The following DPAGT1 variants were observed in gnomAD, a reference collection of about 807,000 sequenced individuals.
The protein encoded by DPAGT1 is dolichyl-phosphate N-acetylglucosaminephosphotransferase 1.
A neutral mutation model predicts 39.3 loss-of-function variants in DPAGT1; 25 were observed. The observed-to-expected ratio is 0.64, with a 90% CI of 0.46 to 0.89. The LOEUF (loss-of-function observed/expected upper bound fraction) is 0.89, where lower values mean the gene tolerates loss of function less well. DPAGT1 is among the 40% of genes least tolerant of loss of function. The pLI is 0.00. For missense variants in DPAGT1, 381 were observed against 500.6 expected (o/e 0.76, Z 2.28); for synonymous variants, 193 against 201.4 (o/e 0.96, Z 0.36).
chr11:119,095,116 C>T, downstream of DPAGT1: 2 of 1,614,020 alleles, frequency 1.2e-6, no homozygotes, highest in Non-Finnish European at 1.7e-6. Context: ...GCTTGTTGAG[C>T]TCCTCGTCGT....
rs1946440246 is a variant in DPAGT1, at chr11:119,098,549, C to T, written c.644-62G>A. Reference sequence around the variant, plus strand: ...CCCACTTCCTCTGCAAACCTTGGTCCTATTTTTGTCTAAGTTCTGTTTACA... The same window carrying T: ...CCCACTTCCTCTGCAAACCTTGGTCTTATTTTTGTCTAAGTTCTGTTTACA... On this transcript the variant is annotated intron_variant, in intron 4 of 8. Coordinates refer to ENST00000354202, the MANE Select transcript of DPAGT1 (RefSeq NM_001382.4). 7 of 1,550,408 alleles carry T rather than the reference C, an allele frequency of 4.5e-6. No individual in the cohort carries two copies. The South Asian group carries it at 5.6e-5, about 12-fold the overall frequency.
chr11:119,100,027 A>G (rs1342913046), intron 4 of DPAGT1, among the ~76,000 whole-genome samples: 1 of 152,182 alleles, frequency 6.6e-6, no homozygotes, highest in East Asian at 1.9e-4. Context: ...TTTATATTCA[A>G]TGGGAGAAGA....
At chr11:119,100,580 G>A (rs1235479458) in intron 3 of DPAGT1, 50 bp downstream of exon 3, 5 of 1,609,634 alleles carry the variant, frequency 3.1e-6, no homozygotes, top group South Asian at 1.1e-5. Flanking sequence ...GCACCAGGAA[G>A]GGTTCCCTGA....
Position 119,101,580 on chromosome 11 carries a change from C to T in DPAGT1, c.76G>A (p.Val26Ile), listed in dbSNP as rs769601711. 7 of 1,614,280 alleles carry T rather than the reference C, an allele frequency of 4.3e-6. No individual in the cohort carries two copies. The Admixed American group carries it at 1.0e-4, about 23-fold the overall frequency. ...CCCCGGAAGGCCGGGATGAGGGTGA[C>T]TGTGGCCACAAATCCCAGCAGCGAG... The part of the protein sequence containing the change: ...IVSLLGFVAT[V>I]TLIPAFRGHF... Residue 26 changes from valine (V) to isoleucine (I), a missense_variant, in exon 1 of 9, where the codon GTC becomes ATC. Coordinates refer to ENST00000354202, the MANE Select transcript of DPAGT1 (RefSeq NM_001382.4).
chr11:119,100,785 G>A lies in DPAGT1; in HGVS notation c.341C>T (p.Ala114Val), dbSNP rs397515327. ...AICCMIFLGF[A>V]DDVLNLRWRH... ...CCAGCGCAGATTCAGTACATCATCC[G>A]CAAAGCCCAGGAAGATCATGCAGCA... The change falls in exon 3 of 9, where the codon GCG becomes GTG. Residue 114 changes from alanine to valine, a missense_variant. Ala to Val is a moderately conservative substitution (Grantham distance 64). Coordinates refer to ENST00000354202, the MANE Select transcript of DPAGT1 (RefSeq NM_001382.4). 1.9e-6 allele frequency: 3 copies of A among 1,614,204 alleles called. No individual in the cohort carries two copies. The highest frequency in any genetic ancestry group is 1.1e-5 in the South Asian group (1 of 91,076).
chr11:119,100,546 G>A, intron 3 of DPAGT1, 84 bp downstream of exon 3: 1 of 1,598,686 alleles, frequency 6.3e-7, no homozygotes. Context: ...AGACAAAAAA[G>A]GAACACTTGG....
chr11:119,097,160 C>T lies in DPAGT1; in HGVS notation c.1143G>A (p.Leu381=). Residue 381 remains leucine, a synonymous_variant, in exon 8 of 9, where the codon TTG becomes TTA. Coordinates refer to ENST00000354202, the MANE Select transcript of DPAGT1 (RefSeq NM_001382.4). The surrounding 1 kb of genome is among the most constrained non-coding windows in gnomAD (Gnocchi z 4.6). ...TCCTCACCTGCAGCAGCAGCAGGAGCAATGTGAGGTTTCTCTCATGTATGG... is the reference window on the plus strand; with the variant it reads ...TCCTCACCTGCAGCAGCAGCAGGAGTAATGTGAGGTTTCTCTCATGTATGG... ...LGPIHERNLT[L]LLLLLQILGS... 4.3e-6 allele frequency: 7 copies of T among 1,614,172 alleles called. No individual in the cohort carries two copies. The highest frequency in any genetic ancestry group is 5.9e-6 in the Non-Finnish European group (7 of 1,180,038).
chr11:119,095,094 C>T, downstream of DPAGT1: 1 of 1,613,986 alleles, frequency 6.2e-7, no homozygotes, highest in Non-Finnish European at 8.5e-7. Flanking sequence ...GCGATCGTCA[C>T]GCCGCCCAGC....
chr11:119,098,284 G>T (rs1038511065), intron 5 of DPAGT1, 119 bp downstream of exon 5: 7 of 1,241,602 alleles, frequency 5.6e-6, no homozygotes, highest in Non-Finnish European at 8.3e-6. Flanking sequence ...AACTGAAGAC[G>T]CAGAAAACTC....
In DPAGT1 at chr11:119,097,487, AAG is replaced by A. The variant is rs754036071; in HGVS notation, c.980_981del (p.Ser327PhefsTer22). The A allele has an allele frequency of 3.7e-6, 6 of 1,614,064 alleles. No individual in the cohort carries two copies. In the Admixed American group the frequency reaches 1.0e-4, roughly 27 times the overall value. ...ACCTTTAAAATAAAGGTGCCCAAGA[AAG>A]AGAGGCTCTTGGTCTTGAACTTGGA... ...SYSKFKTKSL[S>X]FLGTFILKVA... On this transcript the variant is annotated frameshift_variant, in exon 7 of 9. Transcript: ENST00000354202. LOFTEE classifies it high-confidence loss of function. The surrounding 1 kb of genome is among the most constrained non-coding windows in gnomAD (Gnocchi z 4.6).
chr11:119,100,203 A>AT, intron 4 of DPAGT1, 59 bp downstream of exon 4: 2 of 1,612,676 alleles, frequency 1.2e-6, no homozygotes, highest in Non-Finnish European at 1.7e-6. Flanking sequence ...CCAAAGTCAT[A>AT]TATCAGGCCA....
chr11:119,100,215 AC>A, intron 4 of DPAGT1, 46 bp downstream of exon 4: 1 of 1,613,478 alleles, frequency 6.2e-7, no homozygotes, highest in Non-Finnish European at 8.5e-7. Context: ...ATCAGGCCAC[AC>A]CTTTAACACT....
At chr11:119,094,798 C>T, downstream of DPAGT1, 1 of 738,484 alleles carries the variant, frequency 1.4e-6, no homozygotes, top group Non-Finnish European at 2.1e-6. Flanking sequence ...GACTCGAGGC[C>T]GGGCGGCGAA....
chr11:119,094,791 T>C, downstream of DPAGT1: 1 of 702,768 alleles, frequency 1.4e-6, no homozygotes, highest in Non-Finnish European at 2.2e-6. Flanking sequence ...GGGCGGGGAC[T>C]CGAGGCCGGG....
chr11:119,100,677 A>G lies in DPAGT1; in HGVS notation c.449T>C (p.Val150Ala). 1 of 1,614,204 alleles carries G rather than the reference A, an allele frequency of 6.2e-7. No homozygotes were observed. The highest frequency in any genetic ancestry group is 8.5e-7 in the Non-Finnish European group (1 of 1,180,034). Residue 150 changes from valine (V) to alanine (A), a missense_variant, in exon 3 of 9, where the codon GTG (valine) becomes GCG (alanine). Coordinates refer to ENST00000354202, the MANE Select transcript of DPAGT1 (RefSeq NM_001382.4). Reference sequence around the variant, plus strand: ...TATCGGGCGGAAGGGCTTGGGCACCACAATGGTCGTGTTGCCAAAGTTGGT... The same window carrying G: ...TATCGGGCGGAAGGGCTTGGGCACCGCAATGGTCGTGTTGCCAAAGTTGGT... ...YFTNFGNTTI[V>A]VPKPFRPILG...
downstream of DPAGT1, chr11:119,094,962 C>T: frequency 6.2e-7 from 1 of 1,608,528 alleles, no homozygotes; most frequent in East Asian, 2.2e-5. Flanking sequence ...CGCGGGCCCT[C>T]TTAGTACTCC....
At chr11:119,096,176 T>A (rs1271123605), downstream of DPAGT1, among the ~76,000 whole-genome samples, 1 of 152,176 alleles carries the variant, frequency 6.6e-6, no homozygotes, top group African/African-American at 2.4e-5. Context: ...TTGCCCAGGC[T>A]GTCTTGAATT....
chr11:119,101,245 T>C, intron 1 of DPAGT1, 107 bp from the exon 2 acceptor site: 1 of 1,547,044 alleles, frequency 6.5e-7, no homozygotes, highest in Non-Finnish European at 8.8e-7. Flanking sequence ...TCCCGGTTTT[T>C]TATTCTGGTA....
At chr11:119,095,811 C>T (rs2509049), downstream of DPAGT1, among the ~76,000 whole-genome samples, 58,547 of 151,744 alleles carry the variant, frequency 0.39, 11,878 homozygotes, top group East Asian at 0.64. Context: ...AAATCTGTGC[C>T]GGCGTAGGAT....
Sources: gnomAD v4.1 joint callset for allele counts (sites outside exome capture counted in the v4.1 genomes callset) on GRCh38, gnomAD v4.1.1 for gene constraint, Gnocchi (gnomAD v3.1) non-coding constraint, MANE v1.5 for transcripts, NCBI Gene and HGNC (gene_info 2026-07-23, HGNC 2026-07-21) for gene names.